GAREM2: variants seen among roughly 807,000 people sequenced by gnomAD.
The protein encoded by GAREM2 is GRB2-associated and regulator of MAPK protein 2.
A neutral mutation model predicts 55.6 loss-of-function variants in GAREM2; 30 were observed. The ratio of observed to expected loss-of-function variants is 0.54; its 90% CI spans 0.40 to 0.73. The LOEUF (loss-of-function observed/expected upper bound fraction) is 0.73. Among genes scored for constraint, GAREM2 ranks in the 30% least tolerant of loss-of-function variants. The pLI, the probability that GAREM2 is intolerant of heterozygous loss-of-function variation, is 0.00. For missense variants in GAREM2, 1,075 were observed against 1,257.7 expected (o/e 0.85, Z 2.20); for synonymous variants, 550 against 569.1 (o/e 0.97, Z 0.48).
rs190322770 is a variant in GAREM2 at position 26,184,192 on chromosome 2, G to C, written c.385-41G>C. The C allele has an allele frequency of 9.1e-4, 1,406 of 1,542,492 alleles. 6 individuals carry two copies. The African/African-American group carries it at 0.014, about 16-fold the overall frequency. On this transcript the variant is annotated intron_variant, in intron 3 of 5. Coordinates refer to ENST00000401533, the MANE Select transcript of GAREM2 (RefSeq NM_001168241.2). ...GGGAGCTGGCCGTGTGGCTTTCCCT[G>C]GGACCTGGCTAAGGCCCTGCCCTGT... is the stretch of plus-strand genomic sequence containing the variant.
At chr2:26,193,062 G>A (rs1213578890), downstream of GAREM2, among the ~76,000 whole-genome samples, 1 of 152,136 alleles carries the variant, frequency 6.6e-6, no homozygotes, top group Admixed American at 6.6e-5. Flanking sequence ...GGCCTCAACT[G>A]TATACTGTGT....
chr2:26,187,543 C>A lies in GAREM2; in HGVS notation c.1911C>A (p.Ala637=). 2 of 1,538,692 alleles carry A rather than the reference C, an allele frequency of 1.3e-6. No individual in the cohort carries two copies. The highest frequency in any genetic ancestry group is 8.8e-7 in the Non-Finnish European group (1 of 1,141,152). Reference sequence around the variant, plus strand: ...CTCTCAACCCTTTTTCCGGGCCTGCCTACCCCTCAGGCCCTTCAGCGGCCT... The same window carrying A: ...CTCTCAACCCTTTTTCCGGGCCTGCATACCCCTCAGGCCCTTCAGCGGCCT... ...FGALNPFSGP[A]YPSGPSAALS... Residue 637 remains alanine, a synonymous_variant, in exon 6 of 6, where the codon GCC becomes GCA. Coordinates refer to ENST00000401533, the MANE Select transcript of GAREM2 (RefSeq NM_001168241.2).
At position 26,173,170 on chromosome 2, in the gene GAREM2, G is replaced by A; in HGVS notation, c.-51G>A. ...CGGCGGGCGCGAGAGCCTGGGCCGC[G>A]CGGGACTGACCGTCGGGGCCCCGGG... is the stretch of plus-strand genomic sequence containing the variant. On this transcript the variant is annotated 5_prime_UTR_variant, in exon 1 of 6. Coordinates refer to ENST00000401533, the MANE Select transcript of GAREM2 (RefSeq NM_001168241.2). 1 of 703,262 alleles carries A rather than the reference G, an allele frequency of 1.4e-6. No homozygotes were observed. The highest frequency in any genetic ancestry group is 1.9e-6 in the Non-Finnish European group (1 of 531,128). The allele number at this position is 703,262 out of a possible 1,614,324, so 43.6% of individuals were successfully genotyped here.
At position 26,184,442 on chromosome 2, in the gene GAREM2, G is replaced by A. The variant is rs555758878; in HGVS notation, c.594G>A (p.Ala198=). ...GCGGCCCAGCGAGCGCGGGGGCCGC[G>A]GGAGGCACTGGCGGCGGGGGCGCCA... The part of the protein sequence containing the change: ...GGGGPASAGA[A]GGTGGGGARP... The change falls in exon 4 of 6, where the codon GCG becomes GCA. Residue 198 remains alanine (A), a synonymous_variant. Transcript: ENST00000401533. The A allele has an allele frequency of 6.6e-4, 978 of 1,482,652 alleles. 10 individuals carry two copies. The African/African-American group carries it at 0.013, about 19-fold the overall frequency. 91.8% of individuals were successfully genotyped at this position (1,482,652 alleles called of 1,614,324 possible).
intron 3 of GAREM2, 43 bp downstream of exon 3, chr2:26,183,140 C>T: frequency 6.5e-7 from 1 of 1,545,404 alleles, no homozygotes; most frequent in African/African-American, 1.4e-5. Context: ...CACACTACTC[C>T]TTGCCTCAGG....
the GAREM2 span, chr2:26,201,379 G>A: frequency 8.5e-7 from 1 of 1,183,374 alleles, no homozygotes; most frequent in African/African-American, 1.5e-5. Flanking sequence ...TTTATTGAAT[G>A]TCCATGGGCC....
rs1400708766 is a variant in GAREM2, at chr2:26,188,274, T to G, written c.*17T>G. ...AAGATCTGAACTGCCCAGCTGGAGCTGCACAGCTGGAATGCTGGTATGGGG... is the reference window on the plus strand; with the variant it reads ...AAGATCTGAACTGCCCAGCTGGAGCGGCACAGCTGGAATGCTGGTATGGGG... On this transcript the variant is annotated 3_prime_UTR_variant, in exon 6 of 6. Transcript: ENST00000401533. 7.0e-7 allele frequency: 1 copy of G among 1,428,634 alleles called. No homozygotes were observed. Among genetic ancestry groups the G allele is most frequent in the African/African-American group, 1.4e-5 (1 of 69,118 alleles). The allele number at this position is 1,428,634 out of a possible 1,614,324, so 88.5% of individuals were successfully genotyped here.
chr2:26,182,859 G>C, intron 2 of GAREM2, 108 bp from the exon 3 acceptor site: 1 of 1,385,010 alleles, frequency 7.2e-7, no homozygotes, highest in East Asian at 2.5e-5. Context: ...GAGTTCCTGA[G>C]GGGCTGGCCG....
rs778372946 is a variant in GAREM2, at chr2:26,189,060, G to T, written c.*803G>T. Reference sequence around the variant, plus strand: ...CGTTCAGTCTCAGAATACTGATTCCGTGGAAGAGCAGGTTGATTTAGGTCA... The same window carrying T: ...CGTTCAGTCTCAGAATACTGATTCCTTGGAAGAGCAGGTTGATTTAGGTCA... On this transcript the variant is annotated 3_prime_UTR_variant, in exon 6 of 6. Transcript: ENST00000401533. 1 of 152,200 alleles carries T rather than the reference G, an allele frequency of 6.6e-6. No homozygotes were observed. Among genetic ancestry groups the T allele is most frequent in the African/African-American group, 2.4e-5 (1 of 41,454 alleles). The allele number at this position is 152,200 out of a possible 1,614,324, so 9.4% of individuals were successfully genotyped here. A position where few individuals can be genotyped will look rare whatever the true frequency, so the allele number is the denominator to read the frequency against.
At chr2:26,201,381 CCAT>C in the GAREM2 span, 3 of 1,168,876 alleles carry the variant, frequency 2.6e-6, no homozygotes, top group African/African-American at 4.5e-5. Context: ...TATTGAATGT[CCAT>C]GGGCCAGAGC....
In GAREM2 at chr2:26,176,243, AG is replaced by A. The variant is rs1227900314; in HGVS notation, c.113-95del. On this transcript the variant is annotated intron_variant, in intron 1 of 5. Coordinates refer to ENST00000401533, the MANE Select transcript of GAREM2 (RefSeq NM_001168241.2). ...CAGGGATTGTGTGGAGCTGTCCCTC[AG>A]GGGGGCGGTCTTGGTGAGGACGTCA... 10 of 1,174,744 alleles carry A rather than the reference AG, an allele frequency of 8.5e-6. No individual in the cohort carries two copies. The Admixed American group carries it at 8.6e-5, about 10-fold the overall frequency. The allele number at this position is 1,174,744 out of a possible 1,614,324, so 72.8% of individuals were successfully genotyped here.
At chr2:26,195,632 G>C in the GAREM2 span, among the ~76,000 whole-genome samples, 1 of 151,968 alleles carries the variant, frequency 6.6e-6, no homozygotes. Flanking sequence ...TTAATGTGTT[G>C]GGCTGTCAGA....
the GAREM2 span, among the ~76,000 whole-genome samples, chr2:26,198,565 G>A: frequency 6.6e-6 from 1 of 151,556 alleles, no homozygotes; most frequent in Non-Finnish European, 1.5e-5. Flanking sequence ...TCCTAACAGA[G>A]ATGAGAATCA....
At position 26,183,040 on chromosome 2, in the gene GAREM2, G is replaced by T; in HGVS notation, c.327G>T (p.Val109=). ...PVRYFSSVEE[V]ASVFPDRIFV... ...GGTACTTCAGCAGCGTGGAGGAGGT[G>T]GCCAGTGTCTTCCCTGACCGCATCT... The change falls in exon 3 of 6, where the codon GTG becomes GTT. Residue 109 remains valine (V), a synonymous_variant. Coordinates refer to ENST00000401533, the MANE Select transcript of GAREM2 (RefSeq NM_001168241.2). 2 of 1,551,692 alleles carry T rather than the reference G, an allele frequency of 1.3e-6. No homozygotes were observed. Among genetic ancestry groups the T allele is most frequent in the Non-Finnish European group, 1.7e-6 (2 of 1,146,972 alleles).
the GAREM2 span, chr2:26,201,191 C>T: frequency 5.6e-6 from 9 of 1,613,850 alleles, no homozygotes; most frequent in South Asian, 9.9e-5. Context: ...GACTAAGGTC[C>T]TCAAACACAG....
the GAREM2 span, among the ~76,000 whole-genome samples, chr2:26,202,215 G>A: frequency 6.6e-6 from 1 of 152,186 alleles, no homozygotes; most frequent in African/African-American, 2.4e-5. Flanking sequence ...TTAACTCAAG[G>A]TTTCTTTTTT....
chr2:26,191,315 G>C (rs1353055974), downstream of GAREM2: 12 of 1,613,764 alleles, frequency 7.4e-6, no homozygotes, highest in Non-Finnish European at 9.3e-6. Flanking sequence ...GGGGTGAACT[G>C]TTTTCCATAG....
rs945026258 is a variant in GAREM2 at position 26,184,866 on chromosome 2, C to T, written c.1018C>T (p.Leu340=). 3 of 1,466,878 alleles carry T rather than the reference C, an allele frequency of 2.0e-6. No homozygotes were observed. Among genetic ancestry groups the T allele is most frequent in the African/African-American group, 3.0e-5 (2 of 67,538 alleles). 90.9% of individuals were successfully genotyped at this position (1,466,878 alleles called of 1,614,324 possible). A position where few individuals can be genotyped will look rare whatever the true frequency, so the allele number is the denominator to read the frequency against. The change falls in exon 4 of 6, where the codon CTG becomes TTG. Residue 340 remains leucine (L), a synonymous_variant. Transcript: ENST00000401533. The part of the protein sequence containing the change: ...LLAGDPRVER[L]VRDSASYCRE... ...GGCCGGGGACCCGCGCGTCGAGCGC[C>T]TGGTGCGCGACAGCGCCTCCTACTG...
the GAREM2 span, chr2:26,194,984 T>C: frequency 1.0e-6 from 1 of 989,698 alleles, no homozygotes; most frequent in Non-Finnish European, 1.6e-6. Context: ...GAAAATCATA[T>C]CAAAGTCTGG....
Sources: allele counts gnomAD v4.1 joint callset (sites outside exome capture counted in the v4.1 genomes callset), GRCh38; gene constraint gnomAD v4.1.1; transcripts MANE v1.5; gene names NCBI Gene and HGNC (gene_info 2026-07-23, HGNC 2026-07-21).